Variants in SPOCK1 observed in about 807,000 individuals in gnomAD.
SPOCK1 encodes SPARC (osteonectin), cwcv and kazal like domains proteoglycan 1, also known as testican-1.
SPOCK1 carries 23 observed loss-of-function variants against 55.3 expected under a neutral mutation model. The observed-to-expected ratio is 0.42, with a 90% CI of 0.30 to 0.59. The LOEUF (loss-of-function observed/expected upper bound fraction) is 0.59. Among genes scored for constraint, SPOCK1 ranks in the 20% least tolerant of loss-of-function variants. SPOCK1 has a pLI of 0.22. For synonymous variants in SPOCK1, 226 were observed against 221.0 expected (o/e 1.02, Z -0.20); for missense variants, 499 against 552.5 (o/e 0.90, Z 0.97).
At chr5:137,471,910 T>G (rs967209913) in intron 2 of SPOCK1, among the ~76,000 whole-genome samples, 1 of 152,168 alleles carries the variant, frequency 6.6e-6, no homozygotes, top group African/African-American at 2.4e-5. Context: ...CCATGGGACC[T>G]GAGGGCATGG....
At chr5:137,430,957 A>G (rs1752731264) in intron 2 of SPOCK1, among the ~76,000 whole-genome samples, 1 of 152,188 alleles carries the variant, frequency 6.6e-6, no homozygotes, top group Non-Finnish European at 1.5e-5. Context: ...AGAGGCTTCT[A>G]TGAAAGCTTT....
chr5:137,091,517 T>C (rs1467622380), intron 5 of SPOCK1, among the ~76,000 whole-genome samples: 1 of 152,228 alleles, frequency 6.6e-6, no homozygotes, highest in Non-Finnish European at 1.5e-5. Flanking sequence ...CATTTATGTT[T>C]TGGTTTCTAG....
rs1424027323 is a variant in SPOCK1 at position 137,201,919 on chromosome 5, T to C, written c.233-61225A>G. 3.3e-5 allele frequency among the ~76,000 whole-genome samples: 5 copies of C among 152,142 alleles called. No homozygotes were observed. In the South Asian group the frequency reaches 1.0e-3, roughly 32 times the overall value. On this transcript the variant is annotated intron_variant, in intron 3 of 10. Coordinates refer to ENST00000394945, the MANE Select transcript of SPOCK1 (RefSeq NM_004598.4). ...AAAACCCATGAGACTTAAATGCACATTGAAACTGCACCCCAGCAAGCCACA... is the reference window on the plus strand; with the variant it reads ...AAAACCCATGAGACTTAAATGCACACTGAAACTGCACCCCAGCAAGCCACA...
chr5:137,124,185 C>T (rs2127039855), intron 4 of SPOCK1, among the ~76,000 whole-genome samples: 1 of 152,288 alleles, frequency 6.6e-6, no homozygotes, highest in South Asian at 2.1e-4. Flanking sequence ...GGCAGGAAAT[C>T]ACATATTTCA....
At chr5:137,411,811 C>T (rs1752213356) in intron 2 of SPOCK1, among the ~76,000 whole-genome samples, 1 of 152,200 alleles carries the variant, frequency 6.6e-6, no homozygotes, top group South Asian at 2.1e-4. Flanking sequence ...TGACAGCTCT[C>T]CCAAATACCA....
intron 2 of SPOCK1, among the ~76,000 whole-genome samples, chr5:137,477,087 T>C (rs893676692): frequency 6.6e-6 from 1 of 152,178 alleles, no homozygotes; most frequent in Non-Finnish European, 1.5e-5. Flanking sequence ...TCCAAATGTT[T>C]TTAAAAGCCT....
chr5:137,438,806 T>C (rs1204769238), intron 2 of SPOCK1, among the ~76,000 whole-genome samples: 1 of 152,068 alleles, frequency 6.6e-6, no homozygotes, highest in African/African-American at 2.4e-5. Context: ...CAGTAGGAGG[T>C]AGACTAGACA....
intron 6 of SPOCK1, among the ~76,000 whole-genome samples, chr5:137,031,909 TATAG>T (rs1198007815): frequency 6.6e-6 from 1 of 151,482 alleles, no homozygotes; most frequent in Admixed American, 6.6e-5. Context: ...GAGTTTACAA[TATAG>T]ATACATACAC....
chr5:137,189,220 C>T (rs1352545686), intron 3 of SPOCK1, among the ~76,000 whole-genome samples: 4 of 152,234 alleles, frequency 2.6e-5, no homozygotes, highest in Non-Finnish European at 5.9e-5. Context: ...CACTCAACAG[C>T]AGATTTTCAA....
intron 6 of SPOCK1, among the ~76,000 whole-genome samples, chr5:137,028,969 G>A (rs1396208359): frequency 1.3e-5 from 2 of 152,146 alleles, no homozygotes; most frequent in Non-Finnish European, 1.5e-5. Context: ...CCTAAAAGCA[G>A]CCAAGGTCAT....
chr5:137,011,990 T>G (rs1003425599), intron 6 of SPOCK1, among the ~76,000 whole-genome samples: 2 of 152,174 alleles, frequency 1.3e-5, no homozygotes, highest in African/African-American at 4.8e-5. Flanking sequence ...ATGTTAGCAC[T>G]TTGCCTTCAT....
intron 3 of SPOCK1, among the ~76,000 whole-genome samples, chr5:137,194,235 C>A (rs999884877): frequency 6.6e-6 from 1 of 152,206 alleles, no homozygotes; most frequent in Non-Finnish European, 1.5e-5. Context: ...ACAATAGCAA[C>A]TTTTCTTCCT....
At chr5:137,436,501 T>C (rs1383599275) in intron 2 of SPOCK1, among the ~76,000 whole-genome samples, 2 of 152,194 alleles carry the variant, frequency 1.3e-5, no homozygotes, top group African/African-American at 4.8e-5. Flanking sequence ...TGGTCTTAAT[T>C]AGCATCATTT....
intron 2 of SPOCK1, among the ~76,000 whole-genome samples, chr5:137,482,396 G>T (rs2149842791): frequency 6.6e-6 from 1 of 152,230 alleles, no homozygotes; most frequent in Admixed American, 6.5e-5. Flanking sequence ...ACTTTGTTAT[G>T]GACCATGTCC....
intron 6 of SPOCK1, among the ~76,000 whole-genome samples, chr5:136,996,129 C>G (rs1372295492): frequency 6.6e-6 from 1 of 152,200 alleles, no homozygotes; most frequent in Non-Finnish European, 1.5e-5. Context: ...AGGTGCTCAT[C>G]ATCGCCCCCA....
intron 2 of SPOCK1, among the ~76,000 whole-genome samples, chr5:137,305,490 CT>C (rs1158841542): frequency 1.3e-5 from 2 of 152,190 alleles, no homozygotes; most frequent in Non-Finnish European, 1.5e-5. Context: ...TAGAGACTCC[CT>C]GAGATAGGGC....
At chr5:137,252,169 A>C (rs1213617340) in intron 3 of SPOCK1, among the ~76,000 whole-genome samples, 1 of 151,996 alleles carries the variant, frequency 6.6e-6, no homozygotes, top group Non-Finnish European at 1.5e-5. Context: ...CAGGTGATCC[A>C]CCCGCCTCGG....
At chr5:137,386,143 T>G (rs1240883272) in intron 2 of SPOCK1, among the ~76,000 whole-genome samples, 1 of 152,146 alleles carries the variant, frequency 6.6e-6, no homozygotes, top group Admixed American at 6.5e-5. Flanking sequence ...AGCACCCAAA[T>G]AAATGAAATA....
intron 2 of SPOCK1, among the ~76,000 whole-genome samples, chr5:137,372,456 G>T (rs1751222006): frequency 6.6e-6 from 1 of 151,768 alleles, no homozygotes; most frequent in African/African-American, 2.4e-5. Context: ...AACTTTTAAA[G>T]AAAATATCTT....
Sources: gnomAD v4.1 joint callset for allele counts (sites outside exome capture counted in the v4.1 genomes callset) on GRCh38, gnomAD v4.1.1 for gene constraint, MANE v1.5 for transcripts, NCBI Gene and HGNC (gene_info 2026-07-23, HGNC 2026-07-21) for gene names.